The following SGCZ variants were observed in gnomAD, a reference collection of about 807,000 sequenced individuals.
The protein encoded by SGCZ is zeta-sarcoglycan.
Under a neutral mutation model 41.3 loss-of-function variants are expected in SGCZ, and 40 were observed. The ratio of observed to expected loss-of-function variants is 0.97; its 90% CI spans 0.75 to 1.26. SGCZ has a LOEUF of 1.26. Ranked by LOEUF, SGCZ falls within the 50% of genes most tolerant of loss-of-function variation. The pLI, the probability that SGCZ is intolerant of heterozygous loss-of-function variation, is 0.00. For missense variants in SGCZ, 552 were observed against 369.8 expected (o/e 1.49, Z -4.04); for synonymous variants, 206 against 137.5 (o/e 1.50, Z -3.49).
intron 1 of SGCZ, among the ~76,000 whole-genome samples, chr8:14,915,905 T>A (rs945974646): frequency 6.6e-6 from 1 of 152,168 alleles, no homozygotes; most frequent in Non-Finnish European, 1.5e-5. Flanking sequence ...GGGTATATAC[T>A]CCAGGCAAAG....
At chr8:14,984,127 G>A (rs367792794) in intron 1 of SGCZ, among the ~76,000 whole-genome samples, 1 of 152,022 alleles carries the variant, frequency 6.6e-6, no homozygotes, top group Non-Finnish European at 1.5e-5. Flanking sequence ...TAAATATAGA[G>A]AGCGCTGTAG....
intron 4 of SGCZ, among the ~76,000 whole-genome samples, chr8:14,208,044 T>C (rs1805675898): frequency 6.6e-6 from 1 of 152,160 alleles, no homozygotes. Flanking sequence ...AAAATGAAGT[T>C]ATTAAATCCA....
chr8:14,584,016 A>T (rs1045491455), intron 1 of SGCZ, among the ~76,000 whole-genome samples: 2 of 152,110 alleles, frequency 1.3e-5, no homozygotes, highest in African/African-American at 4.8e-5. Flanking sequence ...TTTTCTGGGC[A>T]TGACTCTGTT....
At chr8:14,808,618 T>C (rs1389162081) in intron 1 of SGCZ, among the ~76,000 whole-genome samples, 3 of 152,272 alleles carry the variant, frequency 2.0e-5, no homozygotes, top group Admixed American at 6.5e-5. Flanking sequence ...AGGAACACTT[T>C]TACACTGTTG....
At chr8:14,390,373 T>C (rs1405801477) in intron 2 of SGCZ, among the ~76,000 whole-genome samples, 1 of 151,870 alleles carries the variant, frequency 6.6e-6, no homozygotes, top group Non-Finnish European at 1.5e-5. Context: ...CTAATAATTG[T>C]AATAATAAAT....
At chr8:14,658,881 GAAGA>G (rs563854686) in intron 1 of SGCZ, among the ~76,000 whole-genome samples, 79 of 151,306 alleles carry the variant, frequency 5.2e-4, no homozygotes, top group Non-Finnish European at 9.6e-4. Flanking sequence ...AAAGAGAAAA[GAAGA>G]AAGAAAGAAA....
At chr8:14,921,981 G>A (rs1435014952) in intron 1 of SGCZ, among the ~76,000 whole-genome samples, 2 of 152,006 alleles carry the variant, frequency 1.3e-5, no homozygotes, top group Non-Finnish European at 2.9e-5. Flanking sequence ...AATATTTCTG[G>A]TGGTTTAAGA....
intron 1 of SGCZ, among the ~76,000 whole-genome samples, chr8:14,617,491 T>A (rs1806142888): frequency 6.6e-6 from 1 of 152,184 alleles, no homozygotes; most frequent in African/African-American, 2.4e-5. Context: ...CAGAAAATTT[T>A]ATCTGCCTTA....
chr8:14,376,742 A>T (rs2117177766), intron 2 of SGCZ, among the ~76,000 whole-genome samples: 1 of 152,338 alleles, frequency 6.6e-6, no homozygotes, highest in Non-Finnish European at 1.5e-5. Context: ...AAATTACCAA[A>T]CAACATTACC....
chr8:14,721,527 C>A (rs969902802), intron 1 of SGCZ, among the ~76,000 whole-genome samples: 6 of 152,254 alleles, frequency 3.9e-5, no homozygotes, highest in Admixed American at 3.9e-4. Context: ...CACATCGGCC[C>A]ATCAATAAAT....
At chr8:14,325,027 G>A (rs1403010026) in intron 2 of SGCZ, among the ~76,000 whole-genome samples, 1 of 152,088 alleles carries the variant, frequency 6.6e-6, no homozygotes, top group Non-Finnish European at 1.5e-5. Context: ...GAAAGCAATG[G>A]AGAGTACATT....
chr8:14,391,760 G>T (rs1263281202), intron 2 of SGCZ, among the ~76,000 whole-genome samples: 1 of 152,114 alleles, frequency 6.6e-6, no homozygotes, highest in African/African-American at 2.4e-5. Context: ...AATTTATAAA[G>T]AAAAGCAATT....
At chr8:14,398,126 C>G (rs1370853473) in intron 2 of SGCZ, among the ~76,000 whole-genome samples, 2 of 152,084 alleles carry the variant, frequency 1.3e-5, no homozygotes, top group African/African-American at 2.4e-5. Context: ...TTTTCCCTGT[C>G]TGGAAAAACA....
At chr8:14,094,606 G>A (rs756008951) in intron 7 of SGCZ, among the ~76,000 whole-genome samples, 8 of 152,144 alleles carry the variant, frequency 5.3e-5, no homozygotes, top group Non-Finnish European at 1.2e-4. Context: ...ACGTGTGCAT[G>A]TATCTTTATA....
At chr8:14,461,967 T>G (rs1404526955) in intron 2 of SGCZ, among the ~76,000 whole-genome samples, 1 of 152,066 alleles carries the variant, frequency 6.6e-6, no homozygotes, top group Non-Finnish European at 1.5e-5. Flanking sequence ...GTTTTAATAC[T>G]TAGTAGGCAT....
intron 2 of SGCZ, among the ~76,000 whole-genome samples, chr8:14,525,559 T>C (rs1451925153): frequency 6.6e-6 from 1 of 152,164 alleles, no homozygotes; most frequent in Non-Finnish European, 1.5e-5. Flanking sequence ...ATATTTCTCA[T>C]TTGAGATCCC....
At chr8:14,952,322 A>C (rs1800666301) in intron 1 of SGCZ, among the ~76,000 whole-genome samples, 1 of 152,088 alleles carries the variant, frequency 6.6e-6, no homozygotes. Context: ...ATATCTATAT[A>C]TGTGACTAAG....
chr8:14,800,636 C>A (rs1405081882), intron 1 of SGCZ, among the ~76,000 whole-genome samples: 1 of 152,052 alleles, frequency 6.6e-6, no homozygotes, highest in African/African-American at 2.4e-5. Context: ...GGTGTTTCCA[C>A]CTTCTCTCTT....
chr8:15,222,085 T>C (rs1440976900), intron 1 of SGCZ, among the ~76,000 whole-genome samples: 1 of 152,242 alleles, frequency 6.6e-6, no homozygotes, highest in Non-Finnish European at 1.5e-5. Context: ...ATATGTAAGT[T>C]GGTTAGACTA....
Sources: allele counts gnomAD v4.1 joint callset (sites outside exome capture counted in the v4.1 genomes callset), GRCh38; gene constraint gnomAD v4.1.1; transcripts MANE v1.5; gene names NCBI Gene and HGNC (gene_info 2026-07-23, HGNC 2026-07-21).